Variants in ADAM12 observed in about 807,000 individuals in gnomAD.
ADAM12 encodes disintegrin and metalloproteinase domain-containing protein 12.
A neutral mutation model predicts 106.4 loss-of-function variants in ADAM12; 70 were observed. That is an observed-to-expected ratio of 0.66 (90% CI 0.54 to 0.80). ADAM12 has a LOEUF of 0.80. Ranked by LOEUF, ADAM12 falls within the 30% of genes least tolerant of loss-of-function variation. ADAM12 has a pLI of 0.00. For missense variants in ADAM12, 1,010 were observed against 1,171.9 expected (o/e 0.86, Z 2.02); for synonymous variants, 420 against 433.5 (o/e 0.97, Z 0.39).
intron 2 of ADAM12, among the ~76,000 whole-genome samples, chr10:126,290,854 A>T (rs557347709): frequency 1.3e-5 from 2 of 152,346 alleles, no homozygotes; most frequent in African/African-American, 4.8e-5. Context: ...GTGTACGACC[A>T]ATCATAGAAG....
intron 1 of ADAM12, among the ~76,000 whole-genome samples, chr10:126,379,626 T>C (rs568735069): frequency 1.3e-5 from 2 of 152,270 alleles, no homozygotes; most frequent in African/African-American, 2.4e-5. Context: ...CAAACCACCA[T>C]GGCACCTGTA....
At chr10:126,164,940 C>T (rs1331866015) in intron 3 of ADAM12, among the ~76,000 whole-genome samples, 3 of 152,216 alleles carry the variant, frequency 2.0e-5, no homozygotes, top group Non-Finnish European at 1.5e-5. Context: ...TTTCTCACAT[C>T]TCAACTTTGC....
At chr10:126,021,984 G>T (rs192355329) in intron 21 of ADAM12, among the ~76,000 whole-genome samples, 1 of 152,314 alleles carries the variant, frequency 6.6e-6, no homozygotes, top group Non-Finnish European at 1.5e-5. Context: ...AAAAATGGAT[G>T]TATGCACTCA....
intron 2 of ADAM12, among the ~76,000 whole-genome samples, chr10:126,322,543 T>TC (rs1854137570): frequency 6.6e-6 from 1 of 152,014 alleles, no homozygotes; most frequent in African/African-American, 2.4e-5. Context: ...GCCAGTGCCC[T>TC]CCCCCCACAC....
At chr10:126,023,573 T>C (rs776692514) in intron 21 of ADAM12, among the ~76,000 whole-genome samples, 2 of 152,144 alleles carry the variant, frequency 1.3e-5, no homozygotes. Flanking sequence ...CTGACTCCTC[T>C]CCATTCAAGT....
chr10:126,049,641 A>G lies in ADAM12; in HGVS notation c.1638T>C (p.Phe546=). The stretch of plus-strand genomic sequence containing the variant: ...GATCACCTGCAGAATTGACTCTCTC[A>G]AAGCAGATCCCAGGGGCAGGTTTAG... ...PGAKPAPGIC[F]ERVNSAGDPY... Residue 546 remains phenylalanine, a synonymous_variant, in exon 15 of 23, where the codon TTT becomes TTC. Coordinates refer to ENST00000448723, the MANE Select transcript of ADAM12 (RefSeq NM_001288973.2). This position sits in a 1 kb window ranked among gnomAD's most constrained non-coding sequence, Gnocchi z 4.4. 1 of 1,614,158 alleles carries G rather than the reference A, an allele frequency of 6.2e-7. No individual in the cohort carries two copies. The highest frequency in any genetic ancestry group is 8.5e-7 in the Non-Finnish European group (1 of 1,180,026).
At chr10:126,200,315 T>C (rs142044306) in intron 3 of ADAM12, among the ~76,000 whole-genome samples, 5 of 152,314 alleles carry the variant, frequency 3.3e-5, no homozygotes, top group African/African-American at 7.2e-5. Flanking sequence ...TTAATAACCA[T>C]GACATTGATC....
intron 17 of ADAM12, 57 bp downstream of exon 17, chr10:126,045,998 G>A (rs1954306921): frequency 6.9e-7 from 1 of 1,454,484 alleles, no homozygotes; most frequent in Non-Finnish European, 9.7e-7. Flanking sequence ...ACAAATGAAT[G>A]TATTATTACT....
intron 4 of ADAM12, among the ~76,000 whole-genome samples, chr10:126,151,371 T>C (rs1479023569): frequency 6.6e-6 from 1 of 152,208 alleles, no homozygotes; most frequent in East Asian, 1.9e-4. Flanking sequence ...CTATCAGTTA[T>C]AATACTTTTA....
intron 2 of ADAM12, among the ~76,000 whole-genome samples, chr10:126,286,041 G>A (rs1043208828): frequency 6.7e-6 from 1 of 150,266 alleles, no homozygotes; most frequent in Non-Finnish European, 1.5e-5. Flanking sequence ...TGCGATTGGA[G>A]GCTGATCCAA....
intron 3 of ADAM12, among the ~76,000 whole-genome samples, chr10:126,252,541 T>G (rs1158383424): frequency 6.6e-6 from 1 of 152,122 alleles, no homozygotes; most frequent in African/African-American, 2.4e-5. Flanking sequence ...GGAGTTCTGA[T>G]GTTCAACCAA....
chr10:126,315,844 C>T lies in ADAM12; in HGVS notation c.186+14568G>A, dbSNP rs145628637. ...GGACAGCAAATGCCCACTCTCAATG[C>T]TCTTTATAAGCAAAGACACAGACAT... On this transcript the variant is annotated intron_variant, in intron 2 of 22. Transcript: ENST00000448723. Among the ~76,000 whole-genome samples, 403 of 152,356 alleles carry T rather than the reference C, an allele frequency of 2.6e-3. 1 individual carries two copies. Among genetic ancestry groups the T allele is most frequent in the Admixed American group, 5.0e-3 (76 of 15,302 alleles).
At chr10:126,110,913 T>G (rs760909220) in intron 6 of ADAM12, among the ~76,000 whole-genome samples, 10 of 152,230 alleles carry the variant, frequency 6.6e-5, no homozygotes, top group Admixed American at 4.6e-4. Context: ...ATTGCTGGTT[T>G]ATGAGTTAAC....
chr10:126,124,524 A>G (rs1956167601), intron 5 of ADAM12, among the ~76,000 whole-genome samples: 1 of 152,134 alleles, frequency 6.6e-6, no homozygotes, highest in African/African-American at 2.4e-5. Flanking sequence ...CATTTCAAAT[A>G]TATCTCATGA....
intron 3 of ADAM12, among the ~76,000 whole-genome samples, chr10:126,223,521 A>C (rs1394160820): frequency 1.3e-5 from 2 of 152,252 alleles, no homozygotes; most frequent in East Asian, 1.9e-4. Context: ...AGGCATCTAT[A>C]TAAAATTTTT....
chr10:126,061,719 A>G (rs538940283), intron 14 of ADAM12, among the ~76,000 whole-genome samples: 2 of 152,296 alleles, frequency 1.3e-5, no homozygotes, highest in African/African-American at 4.8e-5. Context: ...AGGGGCCATG[A>G]GCCAAGGAAT....
At chr10:126,034,994 A>G (rs149400939) in intron 21 of ADAM12, among the ~76,000 whole-genome samples, 140 of 152,332 alleles carry the variant, frequency 9.2e-4, no homozygotes, top group African/African-American at 3.1e-3. Context: ...GAGCTTCAAA[A>G]TACATGAAGC....
chr10:126,125,146 C>G (rs1228594588), intron 5 of ADAM12, among the ~76,000 whole-genome samples: 2 of 151,908 alleles, frequency 1.3e-5, no homozygotes, highest in Admixed American at 6.6e-5. Flanking sequence ...TTTCATCATT[C>G]CCCCCAAAAC....
intron 1 of ADAM12, among the ~76,000 whole-genome samples, chr10:126,347,557 G>T (rs1855193003): frequency 6.6e-6 from 1 of 152,154 alleles, no homozygotes; most frequent in South Asian, 2.1e-4. Flanking sequence ...TCCTGAATTT[G>T]AATGTTGGCC....
Sources: gnomAD v4.1 joint callset for allele counts (sites outside exome capture counted in the v4.1 genomes callset) on GRCh38, gnomAD v4.1.1 for gene constraint, Gnocchi (gnomAD v3.1) non-coding constraint, MANE v1.5 for transcripts, NCBI Gene and HGNC (gene_info 2026-07-23, HGNC 2026-07-21) for gene names.